Variants in CAMK4 observed in about 807,000 individuals in gnomAD.
CAMK4 encodes the protein calcium/calmodulin-dependent protein kinase type IV.
In CAMK4, 22 loss-of-function variants were observed where a neutral mutation model predicts 44.9. That is an observed-to-expected ratio of 0.49 (90% CI 0.35 to 0.70). The LOEUF (loss-of-function observed/expected upper bound fraction) is 0.70. CAMK4 is among the 30% of genes least tolerant of loss of function. CAMK4 has a pLI of 0.01. For missense variants in CAMK4, 498 were observed against 586.8 expected, an observed-to-expected ratio of 0.85 and a Z score of 1.56; for synonymous variants, 218 against 215.4, an observed-to-expected ratio of 1.01 and a Z score of -0.11.
intron 5 of CAMK4, among the ~76,000 whole-genome samples, chr5:111,413,901 A>G (rs1752718726): frequency 6.6e-6 from 1 of 152,014 alleles, no homozygotes; most frequent in South Asian, 2.1e-4. Context: ...GAAAAAGAAT[A>G]AATGTATAAA....
At chr5:111,251,205 G>A (rs1749475051) in intron 1 of CAMK4, among the ~76,000 whole-genome samples, 1 of 152,184 alleles carries the variant, frequency 6.6e-6, no homozygotes, top group East Asian at 1.9e-4. Flanking sequence ...CTCTTGGGTT[G>A]TAAGTAGTCT....
intron 1 of CAMK4, among the ~76,000 whole-genome samples, chr5:111,233,826 C>T (rs1580457320): frequency 6.6e-6 from 1 of 152,004 alleles, no homozygotes; most frequent in South Asian, 2.1e-4. Context: ...AAAATTACTC[C>T]TTTTTTATAT....
intron 1 of CAMK4, among the ~76,000 whole-genome samples, chr5:111,308,365 C>CATAAATATATATATGGATTTCTGTT (rs1748030007): frequency 1.3e-5 from 2 of 151,852 alleles, no homozygotes; most frequent in South Asian, 4.2e-4. Context: ...CTCAGAAATC[C>CATAAATATATATATGGATTTCTGTT]AAATATATAA....
chr5:111,444,076 G>A (rs1014076719), intron 5 of CAMK4, among the ~76,000 whole-genome samples: 5 of 151,652 alleles, frequency 3.3e-5, no homozygotes, highest in East Asian at 1.9e-4. Flanking sequence ...CTTTTCCTTC[G>A]TTGTTATTTT....
chr5:111,405,505 TTTAA>T (rs1752391214), intron 5 of CAMK4, among the ~76,000 whole-genome samples: 2 of 152,136 alleles, frequency 1.3e-5, no homozygotes, highest in South Asian at 2.1e-4. Context: ...AAGTTTATTG[TTTAA>T]TTAACAGCCA....
At chr5:111,375,741 T>C (rs1405948300) in intron 3 of CAMK4, among the ~76,000 whole-genome samples, 1 of 152,154 alleles carries the variant, frequency 6.6e-6, no homozygotes, top group African/African-American at 2.4e-5. Flanking sequence ...AGCTCGCCGG[T>C]GCTGCTGTTC....
intron 1 of CAMK4, among the ~76,000 whole-genome samples, chr5:111,242,542 G>C (rs1749050559): frequency 1.3e-5 from 2 of 151,948 alleles, no homozygotes; most frequent in South Asian, 4.1e-4. Context: ...TAATCTTATT[G>C]CATCCCATCT....
chr5:111,415,405 G>A (rs951322049), intron 5 of CAMK4, among the ~76,000 whole-genome samples: 1 of 152,202 alleles, frequency 6.6e-6, no homozygotes, highest in Non-Finnish European at 1.5e-5. Context: ...AAGTACAAGA[G>A]TAGTGATATT....
chr5:111,432,052 T>C (rs1407191816), intron 5 of CAMK4, among the ~76,000 whole-genome samples: 1 of 152,148 alleles, frequency 6.6e-6, no homozygotes, highest in African/African-American at 2.4e-5. Context: ...ATATCTGCAC[T>C]CCCATGTTTG....
In CAMK4 at chr5:111,378,675, G is replaced by C. The variant is rs1751305383; in HGVS notation, c.386+1733G>C. ...TTCACATTTTAAGAATAATAAGTCA[G>C]CTGAAGGAAGTAAGCATCAGTAGCT... On this transcript the variant is annotated intron_variant, in intron 4 of 10. Transcript: ENST00000282356. Among the ~76,000 whole-genome samples, 4 of 152,144 alleles carry C rather than the reference G, an allele frequency of 2.6e-5. No individual in the cohort carries two copies. In the South Asian group the frequency reaches 8.3e-4, roughly 31 times the overall value.
chr5:111,460,402 G>T (rs1490594457), intron 7 of CAMK4, among the ~76,000 whole-genome samples: 1 of 151,264 alleles, frequency 6.6e-6, no homozygotes, highest in Admixed American at 6.6e-5. Context: ...CTCCTGAGTA[G>T]CTGGGACCAC....
chr5:111,435,527 G>C (rs375553120), intron 5 of CAMK4, among the ~76,000 whole-genome samples: 1 of 152,132 alleles, frequency 6.6e-6, no homozygotes, highest in African/African-American at 2.4e-5. Context: ...TGCCCAATCA[G>C]CTTCTCTGGA....
chr5:111,381,148 G>A (rs893250153), intron 4 of CAMK4, among the ~76,000 whole-genome samples: 1 of 152,106 alleles, frequency 6.6e-6, no homozygotes, highest in East Asian at 1.9e-4. Context: ...GCTTTGCTGG[G>A]TTTTTCTTCT....
At chr5:111,427,419 C>T (rs925664143) in intron 5 of CAMK4, among the ~76,000 whole-genome samples, 15 of 152,224 alleles carry the variant, frequency 9.9e-5, no homozygotes, top group African/African-American at 3.6e-4. Flanking sequence ...ACCACCACCT[C>T]AGCGGGGGTA....
At chr5:111,224,186 A>T (rs970603976), upstream of CAMK4, 4 of 256,112 alleles carry the variant, frequency 1.6e-5, no homozygotes, top group African/African-American at 6.9e-5. The surrounding 1 kb of genome is among the most constrained non-coding windows in gnomAD (Gnocchi z 5.7). Context: ...TCGGCGCGGG[A>T]GGAGGGCGGG....
chr5:111,355,594 T>C (rs1411771638), intron 2 of CAMK4, among the ~76,000 whole-genome samples: 1 of 150,472 alleles, frequency 6.6e-6, no homozygotes, highest in Non-Finnish European at 1.5e-5. Flanking sequence ...GCTGGTGTGC[T>C]GCACCCATTA....
rs1314234322 is a variant in CAMK4, at chr5:111,269,312, G to A, written c.161+44668G>A. On this transcript the variant is annotated intron_variant, in intron 1 of 10. Transcript: ENST00000282356. ...GGTATCACATTATCTTCTAACTTCA[G>A]TAACCTATTTTGGATACCTTGGTCT... Among the ~76,000 whole-genome samples, 3 of 152,290 alleles carry A rather than the reference G, an allele frequency of 2.0e-5. No individual in the cohort carries two copies. The East Asian group carries it at 5.8e-4, about 29-fold the overall frequency.
intron 1 of CAMK4, among the ~76,000 whole-genome samples, chr5:111,272,618 GT>G (rs1266421564): frequency 2.6e-5 from 4 of 152,052 alleles, no homozygotes; most frequent in Non-Finnish European, 5.9e-5. Context: ...TTGACTTTTT[GT>G]AATTAAGATA....
At chr5:111,375,255 A>G (rs1751171695) in intron 3 of CAMK4, among the ~76,000 whole-genome samples, 1 of 152,196 alleles carries the variant, frequency 6.6e-6, no homozygotes, top group African/African-American at 2.4e-5. Flanking sequence ...CATTACTGAA[A>G]AAGCCTGTGA....
Sources: allele counts gnomAD v4.1 joint callset (sites outside exome capture counted in the v4.1 genomes callset), GRCh38; gene constraint gnomAD v4.1.1; non-coding constraint Gnocchi (gnomAD v3.1); transcripts MANE v1.5; gene names NCBI Gene and HGNC (gene_info 2026-07-23, HGNC 2026-07-21).